Variants in TTC1 observed in about 807,000 individuals in gnomAD.
TTC1 encodes tetratricopeptide repeat protein 1.
A neutral mutation model predicts 37.6 loss-of-function variants in TTC1; 31 were observed. The ratio of observed to expected loss-of-function variants is 0.82; its 90% CI spans 0.62 to 1.11. The LOEUF is 1.11. Ranked by LOEUF, TTC1 falls within the 50% of genes most tolerant of loss-of-function variation. TTC1 has a pLI of 0.00. For missense variants in TTC1, 351 were observed against 339.0 expected (o/e 1.04, Z -0.28); for synonymous variants, 127 against 122.4 (o/e 1.04, Z -0.25).
chr5:160,035,494 C>A (rs1756985831), intron 3 of TTC1, among the ~76,000 whole-genome samples: 1 of 152,224 alleles, frequency 6.6e-6, no homozygotes, highest in South Asian at 2.1e-4. Flanking sequence ...AAACACTAAC[C>A]TGGAATATTA....
At chr5:160,056,846 G>T (rs1757560302) in intron 7 of TTC1, among the ~76,000 whole-genome samples, 1 of 152,204 alleles carries the variant, frequency 6.6e-6, no homozygotes, top group South Asian at 2.1e-4. Flanking sequence ...TGGACATTGT[G>T]TGCTTTTCTG....
chr5:160,012,760 A>G (rs1055783566), intron 2 of TTC1, among the ~76,000 whole-genome samples: 2 of 152,174 alleles, frequency 1.3e-5, no homozygotes, highest in Non-Finnish European at 2.9e-5. Flanking sequence ...ATTGAGATAT[A>G]ATTTAGTGAA....
At chr5:160,019,546 C>CT in intron 2 of TTC1, among the ~76,000 whole-genome samples, 1 of 149,668 alleles carries the variant, frequency 6.7e-6, no homozygotes, top group Non-Finnish European at 1.5e-5. Flanking sequence ...CATGAGCAAC[C>CT]TTTCTGATTT....
In TTC1 at chr5:160,057,389, G is replaced by A. The variant is rs1212478305; in HGVS notation, c.745+6206G>A. Among the ~76,000 whole-genome samples, 1 of 151,730 alleles carries A rather than the reference G, an allele frequency of 6.6e-6. No homozygotes were observed. The highest frequency in any genetic ancestry group is 1.5e-5 in the Non-Finnish European group (1 of 67,982). Reference sequence around the variant, plus strand: ...TATAATACTGTAGTCTACTAAGTATGCAACAGCACTGTGTCTAAAAAAAAA... The same window carrying A: ...TATAATACTGTAGTCTACTAAGTATACAACAGCACTGTGTCTAAAAAAAAA... On this transcript the variant is annotated intron_variant, in intron 7 of 7. Coordinates refer to ENST00000231238, the MANE Select transcript of TTC1 (RefSeq NM_003314.3). This position sits in a 1 kb window ranked among gnomAD's most constrained non-coding sequence, Gnocchi z 4.4.
At chr5:160,014,734 C>G (rs1756570878) in intron 2 of TTC1, among the ~76,000 whole-genome samples, 1 of 152,052 alleles carries the variant, frequency 6.6e-6, no homozygotes, top group Non-Finnish European at 1.5e-5. Context: ...TTAAAATCGT[C>G]ACATGTGGCT....
chr5:160,018,853 C>A (rs987995700), intron 2 of TTC1, among the ~76,000 whole-genome samples: 25 of 152,246 alleles, frequency 1.6e-4, no homozygotes, highest in African/African-American at 5.8e-4. Context: ...AACTGTGGAT[C>A]TGAAGAGAAG....
intron 1 of TTC1, among the ~76,000 whole-genome samples, chr5:160,010,181 C>T (rs995493840): frequency 6.6e-6 from 1 of 150,868 alleles, no homozygotes; most frequent in African/African-American, 2.4e-5. Context: ...TCGCTTGAAC[C>T]CGGACGGCAG....
chr5:160,049,498 T>C lies in TTC1; in HGVS notation c.542-16T>C. ...ATTTTTCTTTGTGATAAAAATTATT[T>C]CTTCTCTTTTTACAGCAATTCAATT... is the stretch of plus-strand genomic sequence containing the variant. On this transcript the variant is annotated splice_polypyrimidine_tract_variant and intron_variant, in intron 5 of 7. Transcript: ENST00000231238. 6.4e-7 allele frequency: 1 copy of C among 1,551,606 alleles called. No homozygotes were observed. Among genetic ancestry groups the C allele is most frequent in the Non-Finnish European group, 8.7e-7 (1 of 1,155,208 alleles).
chr5:160,046,457 T>C (rs1757249189), intron 5 of TTC1, among the ~76,000 whole-genome samples: 1 of 152,216 alleles, frequency 6.6e-6, no homozygotes, highest in Admixed American at 6.5e-5. Context: ...TGGAAGTCTC[T>C]AGATCTTAGT....
intron 2 of TTC1, among the ~76,000 whole-genome samples, chr5:160,014,612 A>G (rs1756568287): frequency 6.6e-6 from 1 of 152,100 alleles, no homozygotes; most frequent in African/African-American, 2.4e-5. Flanking sequence ...CTGAGGTGGG[A>G]GGATCCCTGG....
chr5:160,051,261 A>G (rs1757397685), intron 7 of TTC1, 78 bp downstream of exon 7: 1 of 1,189,534 alleles, frequency 8.4e-7, no homozygotes, highest in South Asian at 1.5e-5. Context: ...CTAGAGGAGA[A>G]CACATGAGTT....
chr5:160,060,608 G>T (rs563802594), intron 7 of TTC1, among the ~76,000 whole-genome samples: 1 of 152,194 alleles, frequency 6.6e-6, no homozygotes, highest in Non-Finnish European at 1.5e-5. Context: ...GGAAAGTGTG[G>T]CAGATAGGCT....
intron 7 of TTC1, among the ~76,000 whole-genome samples, chr5:160,052,547 G>GAA (rs1561638307): frequency 2.1e-3 from 14 of 6,586 alleles, no homozygotes; most frequent in African/African-American, 7.2e-4. Context: ...CTCTATTTTA[G>GAA]CAAAAAAAAA....
intron 2 of TTC1, among the ~76,000 whole-genome samples, chr5:160,020,967 A>G (rs1756693587): frequency 6.6e-6 from 1 of 152,242 alleles, no homozygotes; most frequent in South Asian, 2.1e-4. Context: ...CCCTGGTGCC[A>G]AAAAGGGTAG....
intron 7 of TTC1, among the ~76,000 whole-genome samples, chr5:160,061,022 A>G (rs558652701): frequency 6.6e-6 from 1 of 152,306 alleles, no homozygotes; most frequent in East Asian, 1.9e-4. Flanking sequence ...AGGATTACTA[A>G]CCCTGAAAAC....
Position 160,010,633 on chromosome 5 carries a change from T to C in TTC1, c.105T>C (p.Asp35=), listed in dbSNP as rs1756484546. Residue 35 remains aspartate, a synonymous_variant, in exon 2 of 8, where the codon GAT becomes GAC. Transcript: ENST00000231238. The stretch of plus-strand genomic sequence containing the variant: ...AGTGTGCTGGCCCTCCAGTTCCTGA[T>C]CCCAAAAATCAGCATTCCCAGAGTA... ...EAECAGPPVP[D]PKNQHSQSKL... The C allele has an allele frequency of 6.2e-7, 1 of 1,614,008 alleles. No individual in the cohort carries two copies. Among genetic ancestry groups the C allele is most frequent in the South Asian group, 1.1e-5 (1 of 91,068 alleles).
chr5:160,056,500 C>A (rs1757550852), intron 7 of TTC1, among the ~76,000 whole-genome samples: 2 of 152,072 alleles, frequency 1.3e-5, no homozygotes, highest in South Asian at 4.1e-4. Context: ...CCTGGGAGGT[C>A]AAGACTGCAG....
intron 2 of TTC1, chr5:160,023,638 A>G (rs1394710278): frequency 3.1e-6 from 3 of 960,296 alleles, no homozygotes; most frequent in Admixed American, 2.5e-5. Context: ...AGATGGACAC[A>G]GGTGACTAAG....
chr5:160,011,128 T>C (rs973597029), intron 2 of TTC1, among the ~76,000 whole-genome samples: 2 of 152,228 alleles, frequency 1.3e-5, no homozygotes, highest in Admixed American at 6.5e-5. Flanking sequence ...GTAACAGTCT[T>C]TTTGTTTATT....
Sources: gnomAD v4.1 joint callset for allele counts (sites outside exome capture counted in the v4.1 genomes callset) on GRCh38, gnomAD v4.1.1 for gene constraint, Gnocchi (gnomAD v3.1) non-coding constraint, MANE v1.5 for transcripts, NCBI Gene and HGNC (gene_info 2026-07-23, HGNC 2026-07-21) for gene names.